NAALADL2: variants seen among roughly 807,000 people sequenced by gnomAD.
The protein encoded by NAALADL2 is N-acetylated alpha-linked acidic dipeptidase like 2, also known as inactive N-acetylated-alpha-linked acidic dipeptidase-like protein 2.
A neutral mutation model predicts 87.2 loss-of-function variants in NAALADL2; 76 were observed. That is an observed-to-expected ratio of 0.87 (90% CI 0.72 to 1.05). The LOEUF is 1.05. Ranked by LOEUF, NAALADL2 falls within the 50% of genes least tolerant of loss-of-function variation. The pLI, the probability that NAALADL2 is intolerant of heterozygous loss-of-function variation, is 0.00. For synonymous variants in NAALADL2, 354 were observed against 331.0 expected (o/e 1.07, Z -0.75); for missense variants, 1,089 against 945.8 (o/e 1.15, Z -1.99).
intron 9 of NAALADL2, among the ~76,000 whole-genome samples, chr3:175,523,865 A>G (rs1280306726): frequency 6.6e-6 from 1 of 152,230 alleles, no homozygotes; most frequent in Non-Finnish European, 1.5e-5. Flanking sequence ...AGTTAAGTTT[A>G]AAAGTAGAAG....
intron 3 of NAALADL2, among the ~76,000 whole-genome samples, chr3:174,813,445 G>C (rs919624037): frequency 6.6e-6 from 1 of 151,950 alleles, no homozygotes; most frequent in Non-Finnish European, 1.5e-5. Flanking sequence ...TGTTACAATT[G>C]CCTATGTATT....
At chr3:175,197,200 G>A (rs920712600) in intron 2 of NAALADL2, among the ~76,000 whole-genome samples, 4 of 151,944 alleles carry the variant, frequency 2.6e-5, no homozygotes, top group Admixed American at 6.6e-5. Flanking sequence ...ATTTTCTGCA[G>A]CTATGGTTTA....
chr3:175,391,612 C>T (rs941505851), intron 5 of NAALADL2, among the ~76,000 whole-genome samples: 14 of 152,086 alleles, frequency 9.2e-5, no homozygotes, highest in African/African-American at 3.4e-4. Context: ...TTGAATTAAG[C>T]CTTCAGAGGA....
rs141923349 is a variant in NAALADL2 at position 175,105,748 on chromosome 3, G to A, written c.545+8457G>A. On this transcript the variant is annotated intron_variant, in intron 2 of 13. Transcript: ENST00000454872. Reference sequence around the variant, plus strand: ...AGCATGTACTAAAAAAGTTGATTTTGAAGATAGAAGATTTTTTTCTCTTAC... The same window carrying A: ...AGCATGTACTAAAAAAGTTGATTTTAAAGATAGAAGATTTTTTTCTCTTAC... Among the ~76,000 whole-genome samples the A allele has an allele frequency of 2.1e-3, 221 of 107,274 alleles. 2 individuals are homozygous for A. The Middle Eastern group carries it at 0.032, about 16-fold the overall frequency. The allele number at this position is 107,274 out of a possible 152,430, so 70.4% of individuals were successfully genotyped here.
intron 2 of NAALADL2, among the ~76,000 whole-genome samples, chr3:175,197,008 A>G (rs1739114499): frequency 1.3e-5 from 2 of 151,984 alleles, no homozygotes; most frequent in African/African-American, 4.8e-5. Context: ...AATAGGTGAG[A>G]AACATAAGGG....
chr3:174,722,573 G>A (rs1029967529), intron 2 of NAALADL2, among the ~76,000 whole-genome samples: 3 of 152,072 alleles, frequency 2.0e-5, no homozygotes, highest in Admixed American at 1.3e-4. Context: ...GCTGTGGCAG[G>A]TGCCTGTAAT....
chr3:175,162,189 T>A (rs1004540364), intron 2 of NAALADL2, among the ~76,000 whole-genome samples: 4 of 152,186 alleles, frequency 2.6e-5, no homozygotes, highest in African/African-American at 9.7e-5. Context: ...TCTCTCTCTT[T>A]CTTAACCAGG....
chr3:175,671,817 T>C (rs1357517715), intron 11 of NAALADL2, among the ~76,000 whole-genome samples: 1 of 152,100 alleles, frequency 6.6e-6, no homozygotes, highest in Non-Finnish European at 1.5e-5. Context: ...ATAATGTTAC[T>C]ATTTTTAAAA....
At chr3:174,559,839 A>G (rs1425201064) in intron 2 of NAALADL2, among the ~76,000 whole-genome samples, 1 of 152,212 alleles carries the variant, frequency 6.6e-6, no homozygotes, top group Non-Finnish European at 1.5e-5. Context: ...ATTGAGGATT[A>G]AGATTTCAAG....
intron 2 of NAALADL2, among the ~76,000 whole-genome samples, chr3:174,578,888 A>G (rs1047978220): frequency 6.6e-6 from 1 of 151,984 alleles, no homozygotes; most frequent in Admixed American, 6.6e-5. Context: ...TGGGCAAAAT[A>G]TTTATAAAAT....
chr3:175,647,493 G>A (rs1051806329), intron 11 of NAALADL2, among the ~76,000 whole-genome samples: 11 of 151,936 alleles, frequency 7.2e-5, no homozygotes, highest in African/African-American at 1.7e-4. Flanking sequence ...CATATTTCTC[G>A]TGGTGACAAT....
At position 175,698,383 on chromosome 3, in the gene NAALADL2, GTA is replaced by G. The variant is rs1418868206; in HGVS notation, c.1897-38921_1897-38920del. On this transcript the variant is annotated intron_variant, in intron 11 of 13. Coordinates refer to ENST00000454872, the MANE Select transcript of NAALADL2 (RefSeq NM_207015.3). ...TGTGTATATATGTATGTGTATTTATGTATGTATACATATGTATGTGTATTTAT... is the reference window on the plus strand; with the variant it reads ...TGTGTATATATGTATGTGTATTTATGTGTATACATATGTATGTGTATTTAT... Among the ~76,000 whole-genome samples the G allele has an allele frequency of 9.9e-3, 1,079 of 108,544 alleles. 359 individuals carry two copies. Among genetic ancestry groups the G allele is most frequent in the African/African-American group, 0.043 (1,014 of 23,470 alleles). The allele number at this position is 108,544 out of a possible 152,430, so 71.2% of individuals were successfully genotyped here.
intron 1 of NAALADL2, among the ~76,000 whole-genome samples, chr3:174,923,296 C>A (rs1006273864): frequency 6.6e-6 from 1 of 152,118 alleles, no homozygotes; most frequent in Non-Finnish European, 1.5e-5. Flanking sequence ...AATAAATGAT[C>A]ATTACAGATT....
intron 10 of NAALADL2, among the ~76,000 whole-genome samples, chr3:175,609,228 A>G (rs1202539932): frequency 1.3e-5 from 2 of 152,176 alleles, no homozygotes; most frequent in African/African-American, 2.4e-5. Flanking sequence ...TAGGAAAAAA[A>G]AGTGTAGTCT....
chr3:174,622,817 A>G (rs1054224584), intron 2 of NAALADL2, among the ~76,000 whole-genome samples: 19 of 152,152 alleles, frequency 1.2e-4, no homozygotes, highest in South Asian at 4.1e-4. Context: ...GAGGCGGGCG[A>G]ATCACGAGGT....
chr3:175,197,428 T>A (rs530327312), intron 2 of NAALADL2, among the ~76,000 whole-genome samples: 5 of 152,128 alleles, frequency 3.3e-5, no homozygotes, highest in Admixed American at 1.3e-4. Flanking sequence ...ACTATGCAAT[T>A]AGTCTGCGAA....
At chr3:175,714,784 T>A (rs139858110) in intron 11 of NAALADL2, among the ~76,000 whole-genome samples, 4 of 152,250 alleles carry the variant, frequency 2.6e-5, no homozygotes, top group African/African-American at 9.6e-5. Context: ...TTTTGGTGTT[T>A]TAGTCCCTAT....
At chr3:175,104,752 C>T (rs1722808581) in intron 2 of NAALADL2, among the ~76,000 whole-genome samples, 1 of 152,062 alleles carries the variant, frequency 6.6e-6, no homozygotes, top group Non-Finnish European at 1.5e-5. Context: ...AGAGTGATGG[C>T]TCCTAAAGGA....
chr3:174,646,013 C>A (rs1190371973), intron 2 of NAALADL2, among the ~76,000 whole-genome samples: 1 of 152,132 alleles, frequency 6.6e-6, no homozygotes, highest in Non-Finnish European at 1.5e-5. Flanking sequence ...GCAAAGGAAT[C>A]TTAGAAGCTT....
Sources: gnomAD v4.1 joint callset for allele counts (sites outside exome capture counted in the v4.1 genomes callset) on GRCh38, gnomAD v4.1.1 for gene constraint, MANE v1.5 for transcripts, NCBI Gene and HGNC (gene_info 2026-07-23, HGNC 2026-07-21) for gene names.